Variants in ZNF536 observed in about 807,000 individuals in gnomAD.
The protein encoded by ZNF536 is zinc finger protein 536.
Under a neutral mutation model 84.5 loss-of-function variants are expected in ZNF536, and 13 were observed. That is an observed-to-expected ratio of 0.15 (90% CI 0.10 to 0.24). The LOEUF is 0.24. Among genes scored for constraint, ZNF536 ranks in the 10% least tolerant of loss-of-function variants. The pLI is 1.00. For missense variants in ZNF536, 1,536 were observed against 1,747.5 expected (o/e 0.88, Z 2.16); for synonymous variants, 811 against 742.5 (o/e 1.09, Z -1.50).
chr19:30,584,214 A>T (rs889055958), intron 1 of ZNF536, among the ~76,000 whole-genome samples: 1 of 151,668 alleles, frequency 6.6e-6, no homozygotes, highest in Non-Finnish European at 1.5e-5. Context: ...TCTGGGCTCC[A>T]CCTCCTGTAT....
At chr19:30,640,234 GAGAGTGAGACCCTGTCTCAA>G (rs1237439946) in intron 1 of ZNF536, among the ~76,000 whole-genome samples, 4 of 2,634 alleles carry the variant, frequency 1.5e-3, no homozygotes, top group East Asian at 0.019. Flanking sequence ...GCAACAGAGT[GAGAGTGAGACCCTGTCTCAA>G]GAAAAAAAAA....
chr19:30,589,325 A>T (rs1443867895), intron 1 of ZNF536, among the ~76,000 whole-genome samples: 1 of 152,190 alleles, frequency 6.6e-6, no homozygotes, highest in Non-Finnish European at 1.5e-5. Context: ...CTTACAGGCC[A>T]TGAAAGGCAG....
At chr19:30,508,820 CTTTTTT>C (rs914349353) in intron 2 of ZNF536, among the ~76,000 whole-genome samples, 11 of 68,792 alleles carry the variant, frequency 1.6e-4, no homozygotes, top group South Asian at 6.0e-4. Context: ...TTCTTTCTTT[CTTTTTT>C]TTTTTTTTTT....
chr19:30,637,715 C>G (rs1185138236), intron 1 of ZNF536, among the ~76,000 whole-genome samples: 1 of 152,154 alleles, frequency 6.6e-6, no homozygotes, highest in African/African-American at 2.4e-5. Context: ...AGCATCACCC[C>G]TTTTTTCTCT....
chr19:30,707,228 CG>C (rs1297827120), intron 1 of ZNF536, among the ~76,000 whole-genome samples: 1 of 152,158 alleles, frequency 6.6e-6, no homozygotes, highest in African/African-American at 2.4e-5. Flanking sequence ...CATTAAGGTA[CG>C]GAGAATGGGT....
At chr19:30,283,808 G>C (rs2045538014) in intron 1 of ZNF536, among the ~76,000 whole-genome samples, 1 of 152,060 alleles carries the variant, frequency 6.6e-6, no homozygotes, top group South Asian at 2.1e-4. Flanking sequence ...ATATAGAGAA[G>C]ATAAGAGATG....
intron 1 of ZNF536, among the ~76,000 whole-genome samples, chr19:30,686,970 G>A (rs1468147369): frequency 1.3e-5 from 2 of 152,248 alleles, no homozygotes; most frequent in South Asian, 2.1e-4. Context: ...TAGCCTATCC[G>A]ATCCCTCCCC....
chr19:30,463,150 G>T, intron 2 of ZNF536, among the ~76,000 whole-genome samples: 1 of 152,156 alleles, frequency 6.6e-6, no homozygotes. Context: ...TGGATTGGGG[G>T]TGCATGTGTG....
intron 1 of ZNF536, among the ~76,000 whole-genome samples, chr19:30,382,663 A>C (rs1167201510): frequency 6.6e-6 from 1 of 152,026 alleles, no homozygotes; most frequent in African/African-American, 2.4e-5. Context: ...CATCACCCAG[A>C]CAAAGGCCGA....
chr19:30,416,788 T>C (rs938485328), intron 1 of ZNF536, among the ~76,000 whole-genome samples: 3 of 152,126 alleles, frequency 2.0e-5, no homozygotes, highest in Non-Finnish European at 2.9e-5. Context: ...TTTGGTTAGG[T>C]GATTCATATT....
chr19:30,436,890 C>A (rs1022630019), intron 1 of ZNF536, among the ~76,000 whole-genome samples: 1 of 152,094 alleles, frequency 6.6e-6, no homozygotes, highest in African/African-American at 2.4e-5. Flanking sequence ...GCTGTGAACC[C>A]GAGTCCTAGA....
At chr19:30,428,229 A>G (rs1262968393) in intron 1 of ZNF536, among the ~76,000 whole-genome samples, 3 of 152,252 alleles carry the variant, frequency 2.0e-5, no homozygotes, top group African/African-American at 7.2e-5. Context: ...GGCCGCATCA[A>G]CATGCAGATG....
rs566119373 is a variant in ZNF536 at position 30,380,042 on chromosome 19, C to A, written c.-3+7486C>A. ...AGGGACTTCTGAGCCCAGGCCACCA[C>A]CGCCGAGGACATGGCCACTCTTCGT... On this transcript the variant is annotated intron_variant, in intron 1 of 4. Transcript: ENST00000355537. Among the ~76,000 whole-genome samples, 4 of 152,220 alleles carry A rather than the reference C, an allele frequency of 2.6e-5. No individual in the cohort carries two copies. The South Asian group carries it at 8.3e-4, about 32-fold the overall frequency.
chr19:30,603,517 G>C (rs2047765498), intron 1 of ZNF536, among the ~76,000 whole-genome samples: 1 of 152,144 alleles, frequency 6.6e-6, no homozygotes, highest in Non-Finnish European at 1.5e-5. Context: ...TAGGTGAAGG[G>C]AATCTTGGTA....
intron 2 of ZNF536, among the ~76,000 whole-genome samples, chr19:30,507,099 C>T (rs2055205649): frequency 1.3e-5 from 2 of 152,176 alleles, no homozygotes; most frequent in African/African-American, 2.4e-5. Flanking sequence ...TGGTGGCTCA[C>T]GCCTATAATC....
At chr19:30,694,509 G>T (rs528508129) in intron 1 of ZNF536, among the ~76,000 whole-genome samples, 7 of 152,294 alleles carry the variant, frequency 4.6e-5, no homozygotes, top group African/African-American at 9.6e-5. Flanking sequence ...GGCTGGTGAT[G>T]CCTGGGAAGT....
intron 1 of ZNF536, among the ~76,000 whole-genome samples, chr19:30,426,388 T>C (rs1015420902): frequency 1.3e-5 from 2 of 152,020 alleles, no homozygotes; most frequent in Non-Finnish European, 2.9e-5. Context: ...CATGAAGGAG[T>C]GCATGGAAAC....
At chr19:30,653,230 G>C (rs913589791) in intron 1 of ZNF536, among the ~76,000 whole-genome samples, 4 of 152,142 alleles carry the variant, frequency 2.6e-5, no homozygotes, top group African/African-American at 9.7e-5. Context: ...AGTAGTTCTG[G>C]GGAGGACCCT....
At chr19:30,299,058 G>A (rs372554014) in intron 2 of ZNF536, among the ~76,000 whole-genome samples, 3 of 152,196 alleles carry the variant, frequency 2.0e-5, no homozygotes, top group African/African-American at 4.8e-5. Context: ...TGTGGGCTTC[G>A]TGGTATGAGG....
Sources: gnomAD v4.1 joint callset for allele counts (sites outside exome capture counted in the v4.1 genomes callset) on GRCh38, gnomAD v4.1.1 for gene constraint, MANE v1.5 for transcripts, NCBI Gene and HGNC (gene_info 2026-07-23, HGNC 2026-07-21) for gene names.